The following PRH2 variants were observed in gnomAD, a reference collection of about 807,000 sequenced individuals.
PRH2 encodes salivary acidic proline-rich phosphoprotein 1/2.
A neutral mutation model predicts 22.6 loss-of-function variants in PRH2; 19 were observed. The observed-to-expected ratio is 0.84, with a 90% CI of 0.59 to 1.23. The LOEUF (loss-of-function observed/expected upper bound fraction) is 1.23. Among genes scored for constraint, PRH2 ranks in the 50% most tolerant of loss-of-function variants. PRH2 has a pLI of 0.00. For missense variants in PRH2, 109 were observed against 203.0 expected (o/e 0.54, Z 2.81); for synonymous variants, 45 against 72.0 (o/e 0.63, Z 1.90).
chr12:10,929,278 T>C lies in PRH2; in HGVS notation c.5T>C (p.Leu2Pro), dbSNP rs370385517. 1.9e-6 allele frequency: 3 copies of C among 1,614,092 alleles called. No individual in the cohort carries two copies. Among genetic ancestry groups the C allele is most frequent in the African/African-American group, 2.7e-5 (2 of 74,932 alleles). M[L>P]LILLSVALLA... is the part of the protein sequence containing the mutation. ...GACACCAGAGCCTTCTGCAAGATGC[T>C]TCTGATTCTGCTGTCAGTGGCCCTG... is the stretch of plus-strand genomic sequence containing the variant. Residue 2 changes from leucine (L) to proline (P), a missense_variant, in exon 1 of 4, where the codon CTT becomes CCT. Around this residue, in one of 4 missense-constraint regions of PRH2, gnomAD observed 54 missense variants for 60.5 expected, o/e 0.89. Transcript: ENST00000396400.
At position 10,932,732 on chromosome 12, in the gene PRH2, G is replaced by A. The variant is rs1252777677; in HGVS notation, c.*525G>A. Among the ~76,000 whole-genome samples the A allele has an allele frequency of 6.6e-6, 1 of 152,108 alleles. No homozygotes were observed. Among genetic ancestry groups the A allele is most frequent in the Non-Finnish European group, 1.5e-5 (1 of 68,000 alleles). The stretch of plus-strand genomic sequence containing the variant: ...TTTTCCCCTATTTTATCACTGATCA[G>A]TTCTGTCCCTGCCTATGATTCTTAC... On this transcript the variant is annotated 3_prime_UTR_variant, in exon 4 of 4. Transcript: ENST00000396400.
In PRH2 at chr12:10,934,042, A is replaced by G. The variant is rs915615452; in HGVS notation, c.*1835A>G. ...AGCCGTTTATTAATTCAACTTCTAAAGAATCTTTGTGATTACACAATGACC... is the reference window on the plus strand; with the variant it reads ...AGCCGTTTATTAATTCAACTTCTAAGGAATCTTTGTGATTACACAATGACC... On this transcript the variant is annotated 3_prime_UTR_variant, in exon 4 of 4. Transcript: ENST00000396400. Among the ~76,000 whole-genome samples, 15 of 152,202 alleles carry G rather than the reference A, an allele frequency of 9.9e-5. No individual in the cohort carries two copies. The highest frequency in any genetic ancestry group is 3.6e-4 in the African/African-American group (15 of 41,476).
chr12:10,930,535 G>T (rs146595547), intron 2 of PRH2, 127 bp from the exon 3 acceptor site: 16 of 1,519,400 alleles, frequency 1.1e-5, no homozygotes, highest in African/African-American at 2.8e-5. Flanking sequence ...CCTTGGGAAG[G>T]GGGGAGGTTG....
rs974219686 is a variant in PRH2 at position 10,934,336 on chromosome 12, C to T, written c.*2129C>T. Among the ~76,000 whole-genome samples the T allele has an allele frequency of 6.6e-6, 1 of 152,054 alleles. No individual in the cohort carries two copies. The highest frequency in any genetic ancestry group is 6.5e-5 in the Admixed American group (1 of 15,268). ...CTATAAACCATCTCACCATTATTAC[C>T]GAAATCAGACAAATTCTGGAGATAG... On this transcript the variant is annotated 3_prime_UTR_variant, in exon 4 of 4. Transcript: ENST00000396400.
rs1040678494 is a variant in PRH2, at chr12:10,930,557, G to C, written c.101-105G>C. The C allele has an allele frequency of 7.1e-6, 11 of 1,550,364 alleles. No homozygotes were observed. In the East Asian group the frequency reaches 1.8e-4, roughly 25 times the overall value. ...AAGGGGGGAGGTTGGGAGTTGAGAG[G>C]CAGGTCAGGGAGAGAGGGGCCGGCC... is the stretch of plus-strand genomic sequence containing the variant. On this transcript the variant is annotated intron_variant, in intron 2 of 3. Transcript: ENST00000396400.
chr12:10,930,579 G>A lies in PRH2; in HGVS notation c.101-83G>A, dbSNP rs181661214. ...GAGGCAGGTCAGGGAGAGAGGGGCCGGCCGTGTGGTGAAGACAGAGAGATA... is the reference window on the plus strand; with the variant it reads ...GAGGCAGGTCAGGGAGAGAGGGGCCAGCCGTGTGGTGAAGACAGAGAGATA... On this transcript the variant is annotated intron_variant, in intron 2 of 3. Transcript: ENST00000396400. The A allele has an allele frequency of 2.9e-4, 463 of 1,577,824 alleles. 1 individual carries two copies. The African/African-American group carries it at 4.5e-3, about 15-fold the overall frequency.
In PRH2 at chr12:10,931,152, T is replaced by C; in HGVS notation, c.*18+72T>C. On this transcript the variant is annotated intron_variant, in intron 3 of 3. Coordinates refer to ENST00000396400, the MANE Select transcript of PRH2 (RefSeq NM_001110213.1). ...TCTCCAACTTCATTGTGCCAGTGAA[T>C]CTATTGAAAAGCTGTTAATATTTCC... 2.5e-6 allele frequency: 4 copies of C among 1,586,528 alleles called. No homozygotes were observed. In the South Asian group the frequency reaches 4.7e-5, roughly 18 times the overall value.
chr12:10,930,592 A>G, intron 2 of PRH2, 70 bp from the exon 3 acceptor site: 1 of 1,597,648 alleles, frequency 6.3e-7, no homozygotes, highest in East Asian at 2.2e-5. Context: ...CGTGTGGTGA[A>G]GACAGAGAGA....
chr12:10,932,383 A>G lies in PRH2; in HGVS notation c.*176A>G, dbSNP rs764212667. 4.0e-6 allele frequency: 1 copy of G among 247,824 alleles called. No homozygotes were observed. Among genetic ancestry groups the G allele is most frequent in the Non-Finnish European group, 9.1e-6 (1 of 110,020 alleles). The allele number at this position is 247,824 out of a possible 1,614,324, so 15.4% of individuals were successfully genotyped here. The stretch of plus-strand genomic sequence containing the variant: ...TCTGGAATCTGAGACCCATGTTCAC[A>G]TTGTAAGAACATCCAGGACCCCTTC... On this transcript the variant is annotated 3_prime_UTR_variant, in exon 4 of 4. Coordinates refer to ENST00000396400, the MANE Select transcript of PRH2 (RefSeq NM_001110213.1).
rs200967675 is a variant in PRH2, at chr12:10,930,220, G to C, written c.65-49G>C. On this transcript the variant is annotated intron_variant, in intron 1 of 3. Transcript: ENST00000396400. ...ATCCTCGTAGAACACTATGAGCTCTGAATGATTCATGCAGTAACTTTTCCC... is the reference window on the plus strand; with the variant it reads ...ATCCTCGTAGAACACTATGAGCTCTCAATGATTCATGCAGTAACTTTTCCC... 95 of 1,591,398 alleles carry C rather than the reference G, an allele frequency of 6.0e-5. No homozygotes were observed. In the African/African-American group the frequency reaches 9.4e-4, roughly 16 times the overall value.
chr12:10,929,935 A>G (rs1950179527), intron 1 of PRH2, among the ~76,000 whole-genome samples: 1 of 152,210 alleles, frequency 6.6e-6, no homozygotes, highest in Non-Finnish European at 1.5e-5. Context: ...AAACATAAAC[A>G]ACATATTTAC....
chr12:10,930,734 C>T lies in PRH2; in HGVS notation c.173C>T (p.Pro58Leu). ...CCTTTGGGAGGACAGCAATCTCAAC[C>T]CTCTGCTGGTGATGGGAACCAGAAT... is the stretch of plus-strand genomic sequence containing the variant. ...GPPLGGQQSQ[P>L]SAGDGNQNDG... Residue 58 changes from proline (P) to leucine (L), a missense_variant, in exon 3 of 4, where the codon CCC (proline) becomes CTC (leucine). Physicochemically the swap from Pro to Leu is moderately conservative, Grantham distance 98. Coordinates refer to ENST00000396400, the MANE Select transcript of PRH2 (RefSeq NM_001110213.1). 2 of 1,613,774 alleles carry T rather than the reference C, an allele frequency of 1.2e-6. No individual in the cohort carries two copies. Among genetic ancestry groups the T allele is most frequent in the Admixed American group, 1.7e-5 (1 of 60,012 alleles).
chr12:10,932,819 C>G lies in PRH2; in HGVS notation c.*612C>G, dbSNP rs140572226. Among the ~76,000 whole-genome samples the G allele has an allele frequency of 6.6e-6, 1 of 151,634 alleles. No homozygotes were observed. Among genetic ancestry groups the G allele is most frequent in the Non-Finnish European group, 1.5e-5 (1 of 67,950 alleles). On this transcript the variant is annotated 3_prime_UTR_variant, in exon 4 of 4. Transcript: ENST00000396400. The stretch of plus-strand genomic sequence containing the variant: ...GGCAGCATAATTTGAAGGGCAATTG[C>G]GTGTGAAAATTGATGTGACTTGATT...
intron 3 of PRH2, among the ~76,000 whole-genome samples, chr12:10,931,993 G>A (rs1950220231): frequency 6.6e-6 from 1 of 152,134 alleles, no homozygotes; most frequent in African/African-American, 2.4e-5. Flanking sequence ...CACAAAGCAT[G>A]AACAACCTAA....
At chr12:10,931,558 C>G (rs977284442) in intron 3 of PRH2, among the ~76,000 whole-genome samples, 1 of 152,096 alleles carries the variant, frequency 6.6e-6, no homozygotes, top group Non-Finnish European at 1.5e-5. Flanking sequence ...CATGCTTAAG[C>G]TAACAAAAAC....
Position 10,934,043 on chromosome 12 carries a change from G to T in PRH2, c.*1836G>T, listed in dbSNP as rs1231702060. On this transcript the variant is annotated 3_prime_UTR_variant, in exon 4 of 4. Transcript: ENST00000396400. ...GCCGTTTATTAATTCAACTTCTAAA[G>T]AATCTTTGTGATTACACAATGACCA... 6.6e-6 allele frequency among the ~76,000 whole-genome samples: 1 copy of T among 152,080 alleles called. No individual in the cohort carries two copies. The highest frequency in any genetic ancestry group is 1.5e-5 in the Non-Finnish European group (1 of 67,984).
intron 1 of PRH2, among the ~76,000 whole-genome samples, chr12:10,929,863 C>T (rs752978991): frequency 1.7e-4 from 26 of 152,160 alleles, no homozygotes; most frequent in African/African-American, 3.4e-4. Flanking sequence ...TGTGCTGGGA[C>T]GGGCATTTGT....
At chr12:10,930,369 C>T in intron 2 of PRH2, 65 bp downstream of exon 2, 1 of 1,562,374 alleles carries the variant, frequency 6.4e-7, no homozygotes. Flanking sequence ...GATCAGTTCT[C>T]CAGTGTCTTC....
At chr12:10,931,479 T>C (rs1197962720) in intron 3 of PRH2, among the ~76,000 whole-genome samples, 2 of 152,224 alleles carry the variant, frequency 1.3e-5, no homozygotes, top group Non-Finnish European at 2.9e-5. Flanking sequence ...TCCTGCTAAA[T>C]GGTCCTTGGA....
Sources: allele counts gnomAD v4.1 joint callset (sites outside exome capture counted in the v4.1 genomes callset), GRCh38; gene constraint gnomAD v4.1.1; regional missense constraint gnomAD v4.1.1; transcripts MANE v1.5; gene names NCBI Gene and HGNC (gene_info 2026-07-23, HGNC 2026-07-21).